The following SAMD3 variants were observed in gnomAD, a reference collection of about 807,000 sequenced individuals.
SAMD3 encodes sterile alpha motif domain-containing protein 3.
A neutral mutation model predicts 58.5 loss-of-function variants in SAMD3; 63 were observed. The ratio of observed to expected loss-of-function variants is 1.08; its 90% CI spans 0.88 to 1.33. SAMD3 has a LOEUF of 1.33. SAMD3 is among the 40% of genes most tolerant of loss of function. The probability of loss-of-function intolerance (pLI) is 0.00; values close to 1 mark genes in which losing one functional copy is unlikely to be tolerated. For missense variants in SAMD3, 604 were observed against 608.4 expected (o/e 0.99, Z 0.08); for synonymous variants, 220 against 210.3 (o/e 1.05, Z -0.40).
At chr6:130,157,886 A>C (rs1789931710) in intron 8 of SAMD3, among the ~76,000 whole-genome samples, 1 of 152,164 alleles carries the variant, frequency 6.6e-6, no homozygotes, top group African/African-American at 2.4e-5. Flanking sequence ...ACTGAATACA[A>C]GATAAATATT....
At position 130,163,273 on chromosome 6, in the gene SAMD3, A is replaced by T. The variant is rs1790426034; in HGVS notation, c.823-8248T>A. 2.6e-5 allele frequency among the ~76,000 whole-genome samples: 4 copies of T among 152,346 alleles called. No individual in the cohort carries two copies. The South Asian group carries it at 8.3e-4, about 32-fold the overall frequency. On this transcript the variant is annotated intron_variant, in intron 8 of 11. Transcript: ENST00000439090. The stretch of plus-strand genomic sequence containing the variant: ...TTAATTCCATTTGCCACTTTTTAAA[A>T]ATTTCTGCTACTAGAAAATTAAAAA...
chr6:130,316,492 AAAT>A (rs936960585), intron 1 of SAMD3, among the ~76,000 whole-genome samples: 6 of 152,192 alleles, frequency 3.9e-5, no homozygotes, highest in Admixed American at 2.6e-4. Flanking sequence ...TATAATTAAA[AAAT>A]AATAATAACT....
intron 2 of SAMD3, among the ~76,000 whole-genome samples, chr6:130,231,961 C>T (rs62431204): frequency 0.14 from 21,665 of 152,062 alleles, 1,761 homozygotes; most frequent in East Asian, 0.36. Flanking sequence ...CTCATGGTTA[C>T]TGAGCATTTG....
chr6:130,322,751 T>C (rs1776628862), intron 1 of SAMD3, among the ~76,000 whole-genome samples: 1 of 152,256 alleles, frequency 6.6e-6, no homozygotes, highest in Non-Finnish European at 1.5e-5. Flanking sequence ...TATGTTAAGA[T>C]GATTTGAGTA....
At position 130,144,592 on chromosome 6, in the gene SAMD3, A is replaced by C; in HGVS notation, c.1491T>G (p.Asp497Glu). Residue 497 changes from aspartate to glutamate, a missense_variant, in exon 12 of 12, where the codon GAT (aspartate) becomes GAG (glutamate). Transcript: ENST00000439090. ...AAGAAGGAAAATAAGGACTGTGCAT[A>C]TCGAAAATCAGCGTTTCTAGGAAGT... is the stretch of plus-strand genomic sequence containing the variant. ...TFNFLETLIF[D>E]MHSPYFPSLK... is the part of the protein sequence containing the mutation. 1 of 1,614,156 alleles carries C rather than the reference A, an allele frequency of 6.2e-7. No individual in the cohort carries two copies. The highest frequency in any genetic ancestry group is 8.5e-7 in the Non-Finnish European group (1 of 1,180,000).
At chr6:130,309,697 T>C (rs907005229) in intron 2 of SAMD3, among the ~76,000 whole-genome samples, 1 of 152,152 alleles carries the variant, frequency 6.6e-6, no homozygotes, top group Non-Finnish European at 1.5e-5. Context: ...AGGAAAGAAG[T>C]AAACTTGAAG....
At chr6:130,153,902 C>T (rs1789481975) in intron 9 of SAMD3, among the ~76,000 whole-genome samples, 1 of 151,658 alleles carries the variant, frequency 6.6e-6, no homozygotes, top group African/African-American at 2.4e-5. Flanking sequence ...GTCTTGAACT[C>T]CTGGGCTCAA....
intron 2 of SAMD3, among the ~76,000 whole-genome samples, chr6:130,232,619 G>T (rs1004881809): frequency 6.6e-6 from 1 of 152,018 alleles, no homozygotes; most frequent in Non-Finnish European, 1.5e-5. Context: ...CTACATGTTG[G>T]TTTTCCTCCT....
chr6:130,318,161 A>G (rs574865519), intron 1 of SAMD3, among the ~76,000 whole-genome samples: 16 of 152,338 alleles, frequency 1.1e-4, no homozygotes, highest in Middle Eastern at 6.8e-3. Context: ...CCCACCAGCC[A>G]GAATGGAAAG....
chr6:130,260,067 T>C (rs902400411), intron 2 of SAMD3, among the ~76,000 whole-genome samples: 1 of 152,236 alleles, frequency 6.6e-6, no homozygotes, highest in African/African-American at 2.4e-5. Context: ...TTCTATATCA[T>C]AGATACAGTC....
intron 2 of SAMD3, among the ~76,000 whole-genome samples, chr6:130,235,909 G>T (rs1773131487): frequency 6.6e-6 from 1 of 152,122 alleles, no homozygotes; most frequent in Non-Finnish European, 1.5e-5. Flanking sequence ...TAGCACTATT[G>T]TTATGTTCAC....
chr6:130,360,346 G>A (rs1218878047), intron 1 of SAMD3, among the ~76,000 whole-genome samples: 1 of 152,180 alleles, frequency 6.6e-6, no homozygotes, highest in Non-Finnish European at 1.5e-5. Context: ...TTTTCCCTAA[G>A]TGTCGGCCAG....
chr6:130,343,320 T>C (rs562340606), intron 1 of SAMD3, among the ~76,000 whole-genome samples: 3 of 152,100 alleles, frequency 2.0e-5, no homozygotes, highest in Non-Finnish European at 4.4e-5. Flanking sequence ...AAGGATGCTT[T>C]CTAGTCACAT....
rs200173236 is a variant in SAMD3, at chr6:130,214,507, G to T, written c.99C>A (p.Ala33=). The change falls in exon 4 of 12, where the codon GCC becomes GCA. Residue 33 remains alanine (A), a synonymous_variant. Coordinates refer to ENST00000439090, the MANE Select transcript of SAMD3 (RefSeq NM_001017373.4). Reference sequence around the variant, plus strand: ...TCCGATCATTAAGTGCAAGAAGAGCGGCCCCACTTACTTCTTCCTCTGGGA... The same window carrying T: ...TCCGATCATTAAGTGCAAGAAGAGCTGCCCCACTTACTTCTTCCTCTGGGA... The part of the protein sequence containing the change: ...HRFQEEEVSG[A]ALLALNDRMV... 1.3e-6 allele frequency: 2 copies of T among 1,590,446 alleles called. No homozygotes were observed. The highest frequency in any genetic ancestry group is 8.5e-7 in the Non-Finnish European group (1 of 1,170,298).
In SAMD3 at chr6:130,151,117, C is replaced by T. The variant is rs150397008; in HGVS notation, c.1023+3708G>A. Among the ~76,000 whole-genome samples, 916 of 152,238 alleles carry T rather than the reference C, an allele frequency of 6.0e-3. 10 individuals are homozygous for T. The highest frequency in any genetic ancestry group is 0.02 in the African/African-American group (843 of 41,546). The stretch of plus-strand genomic sequence containing the variant: ...CAGCCCACTTTCCTCCAGTGCCTGT[C>T]CTACAAAGGCCAGCTGCTTCATCAT... On this transcript the variant is annotated intron_variant, in intron 9 of 11. Transcript: ENST00000439090.
At chr6:130,169,110 A>G (rs1790991576) in intron 8 of SAMD3, among the ~76,000 whole-genome samples, 1 of 152,172 alleles carries the variant, frequency 6.6e-6, no homozygotes, top group African/African-American at 2.4e-5. Context: ...TGCCTGGCTC[A>G]GCAATCTTAA....
chr6:130,199,450 G>T (rs932812736), intron 5 of SAMD3, among the ~76,000 whole-genome samples: 45 of 152,204 alleles, frequency 3.0e-4, no homozygotes, highest in African/African-American at 1.1e-3. Flanking sequence ...GAAGCCAGGG[G>T]AGGCTTAGAT....
At chr6:130,218,231 A>G (rs911042742) in intron 1 of SAMD3, among the ~76,000 whole-genome samples, 1 of 152,246 alleles carries the variant, frequency 6.6e-6, no homozygotes, top group Non-Finnish European at 1.5e-5. Flanking sequence ...GGGTCCTGCT[A>G]GTATATGCTT....
chr6:130,172,864 T>G (rs1791372687), intron 8 of SAMD3, among the ~76,000 whole-genome samples: 1 of 152,210 alleles, frequency 6.6e-6, no homozygotes, highest in Admixed American at 6.5e-5. Flanking sequence ...TGTTTGTTCT[T>G]TTTACATAGT....
Sources: gnomAD v4.1 joint callset for allele counts (sites outside exome capture counted in the v4.1 genomes callset) on GRCh38, gnomAD v4.1.1 for gene constraint, MANE v1.5 for transcripts, NCBI Gene and HGNC (gene_info 2026-07-23, HGNC 2026-07-21) for gene names.